Variants in RIMBP2 observed in about 807,000 individuals in gnomAD.
The protein encoded by RIMBP2 is RIMS-binding protein 2.
A neutral mutation model predicts 118.6 loss-of-function variants in RIMBP2; 48 were observed. The ratio of observed to expected loss-of-function variants is 0.40; its 90% CI spans 0.32 to 0.51. RIMBP2 has a LOEUF of 0.51. Ranked by LOEUF, RIMBP2 falls within the 20% of genes least tolerant of loss-of-function variation. The probability of loss-of-function intolerance (pLI) is 0.41; values close to 1 mark genes in which losing one functional copy is unlikely to be tolerated. For missense variants in RIMBP2, 1,551 were observed against 1,768.3 expected (o/e 0.88, Z 2.20); for synonymous variants, 762 against 742.9 (o/e 1.03, Z -0.42).
intron 19 of RIMBP2, among the ~76,000 whole-genome samples, chr12:130,411,182 G>A (rs1380536300): frequency 6.6e-6 from 1 of 152,128 alleles, no homozygotes; most frequent in Non-Finnish European, 1.5e-5. Flanking sequence ...ACTGATTTTT[G>A]TATATTGACC....
At chr12:130,538,846 G>C (rs1057079515) in intron 2 of RIMBP2, among the ~76,000 whole-genome samples, 1 of 152,044 alleles carries the variant, frequency 6.6e-6, no homozygotes, top group Non-Finnish European at 1.5e-5. Context: ...TTCCCTCCCC[G>C]TATTGCCTGG....
At chr12:130,678,602 C>T (rs137912733) in intron 1 of RIMBP2, among the ~76,000 whole-genome samples, 51 of 152,300 alleles carry the variant, frequency 3.3e-4, no homozygotes, top group African/African-American at 1.2e-3. Context: ...ACTGCAGCCT[C>T]CACCTCCCAG....
chr12:130,644,876 C>T (rs2062782173), intron 1 of RIMBP2, among the ~76,000 whole-genome samples: 1 of 152,314 alleles, frequency 6.6e-6, no homozygotes. Flanking sequence ...AGGGCTGTGG[C>T]CCACTGGGTT....
At chr12:130,437,839 G>C (rs2077653729) in intron 12 of RIMBP2, among the ~76,000 whole-genome samples, 1 of 152,194 alleles carries the variant, frequency 6.6e-6, no homozygotes, top group Admixed American at 6.5e-5. Flanking sequence ...GGGACGGTGA[G>C]GAGCAGCTGC....
chr12:130,518,050 T>C (rs1479828501), intron 2 of RIMBP2, 133 bp from the exon 3 acceptor site: 1 of 165,396 alleles, frequency 6.0e-6, no homozygotes, highest in Non-Finnish European at 1.3e-5. Flanking sequence ...ATAAGCTGTG[T>C]ATGAGTTGGG....
chr12:130,421,724 T>TGTGTGTGTGTGTGTGTG (rs1566004674), intron 17 of RIMBP2, among the ~76,000 whole-genome samples: 3 of 151,358 alleles, frequency 2.0e-5, no homozygotes, highest in African/African-American at 4.9e-5. Context: ...TGTGTGTGTG[T>TGTGTGTGTGTGTGTGTG]TTTCATAGAA....
chr12:130,411,924 A>G (rs2075749476), intron 19 of RIMBP2, among the ~76,000 whole-genome samples: 1 of 152,200 alleles, frequency 6.6e-6, no homozygotes, highest in Non-Finnish European at 1.5e-5. Flanking sequence ...AAGCTAATCA[A>G]GTTTTGAAGT....
intron 1 of RIMBP2, among the ~76,000 whole-genome samples, chr12:130,704,558 G>C (rs1455555943): frequency 6.6e-6 from 1 of 152,102 alleles, no homozygotes; most frequent in Non-Finnish European, 1.5e-5. Flanking sequence ...CTGGGCAACA[G>C]AGCCAGACTC....
chr12:130,637,775 A>T (rs1159676063), intron 1 of RIMBP2, among the ~76,000 whole-genome samples: 2 of 152,134 alleles, frequency 1.3e-5, no homozygotes, highest in Non-Finnish European at 2.9e-5. Context: ...TTATCCAGAA[A>T]CCTTCAGGCC....
chr12:130,662,634 G>A (rs1485458254), intron 1 of RIMBP2, among the ~76,000 whole-genome samples: 2 of 151,714 alleles, frequency 1.3e-5, no homozygotes, highest in Non-Finnish European at 2.9e-5. Flanking sequence ...CCAGCCTGGT[G>A]ACAGAGCAAG....
In RIMBP2 at chr12:130,525,231, T is replaced by G. The variant is rs562177443; in HGVS notation, c.-216-7314A>C. Among the ~76,000 whole-genome samples, 1 of 152,164 alleles carries G rather than the reference T, an allele frequency of 6.6e-6. No homozygotes were observed. Among genetic ancestry groups the G allele is most frequent in the East Asian group, 1.9e-4 (1 of 5,174 alleles). On this transcript the variant is annotated intron_variant, in intron 2 of 22. Transcript: ENST00000690449. This position sits in a 1 kb window ranked among gnomAD's most constrained non-coding sequence, Gnocchi z 4.4. ...GCTCCAGGCTTTTCTAGGAGCTGAG[T>G]GACCAGAGCCTTGAGAGTGGGGACC...
At chr12:130,562,478 T>C (rs966879973) in intron 2 of RIMBP2, among the ~76,000 whole-genome samples, 5 of 152,182 alleles carry the variant, frequency 3.3e-5, no homozygotes, top group African/African-American at 9.6e-5. Context: ...TGAAGTGACA[T>C]GGGTTCAGCA....
intron 1 of RIMBP2, among the ~76,000 whole-genome samples, chr12:130,709,121 G>T (rs944294287): frequency 6.6e-6 from 1 of 152,258 alleles, no homozygotes; most frequent in Non-Finnish European, 1.5e-5. Flanking sequence ...AGCTGGAAAA[G>T]CTGTTTACAC....
Position 130,455,761 on chromosome 12 carries a change from A to AT in RIMBP2, c.358+734dup, listed in dbSNP as rs146334105. 7.1e-3 allele frequency among the ~76,000 whole-genome samples: 1,074 copies of AT among 151,692 alleles called. 12 individuals are homozygous for AT. The highest frequency in any genetic ancestry group is 0.023 in the African/African-American group (972 of 41,388). ...GAGGTTCAGACGCTCATCTCCCCTAATTTTTTTTTAAACCAACTTCTTAAA... is the reference window on the plus strand; with the variant it reads ...GAGGTTCAGACGCTCATCTCCCCTAATTTTTTTTTTAAACCAACTTCTTAAA... On this transcript the variant is annotated intron_variant, in intron 7 of 22. Transcript: ENST00000690449.
chr12:130,701,265 C>T (rs2065841329), intron 1 of RIMBP2, among the ~76,000 whole-genome samples: 1 of 152,214 alleles, frequency 6.6e-6, no homozygotes, highest in South Asian at 2.1e-4. Flanking sequence ...GCCCCCCTAA[C>T]ACAGCGGGGT....
At chr12:130,580,837 G>A (rs1470487030) in intron 2 of RIMBP2, among the ~76,000 whole-genome samples, 1 of 152,170 alleles carries the variant, frequency 6.6e-6, no homozygotes, top group Non-Finnish European at 1.5e-5. Flanking sequence ...CTACTTGGGA[G>A]GCTGAGGCAG....
At chr12:130,415,259 A>G (rs968195775) in intron 17 of RIMBP2, among the ~76,000 whole-genome samples, 9 of 152,234 alleles carry the variant, frequency 5.9e-5, no homozygotes, top group Non-Finnish European at 1.2e-4. Flanking sequence ...ATGCAAATCA[A>G]TAAATATGAT....
chr12:130,432,461 G>A (rs1394475831), intron 14 of RIMBP2, among the ~76,000 whole-genome samples: 1 of 152,162 alleles, frequency 6.6e-6, no homozygotes, highest in African/African-American at 2.4e-5. Context: ...ATTTGCTATG[G>A]ACTAAGTTGT....
chr12:130,669,757 G>C (rs886593531), intron 1 of RIMBP2, among the ~76,000 whole-genome samples: 1 of 152,134 alleles, frequency 6.6e-6, no homozygotes, highest in Non-Finnish European at 1.5e-5. Flanking sequence ...CTCTTTCCTA[G>C]TGCCTGTGGT....
Sources: gnomAD v4.1 joint callset for allele counts (sites outside exome capture counted in the v4.1 genomes callset) on GRCh38, gnomAD v4.1.1 for gene constraint, Gnocchi (gnomAD v3.1) non-coding constraint, MANE v1.5 for transcripts, NCBI Gene and HGNC (gene_info 2026-07-23, HGNC 2026-07-21) for gene names.